RASEF: variants seen among roughly 807,000 people sequenced by gnomAD.
RASEF encodes ras and EF-hand domain-containing protein.
Under a neutral mutation model 90.1 loss-of-function variants are expected in RASEF, and 68 were observed. The ratio of observed to expected loss-of-function variants is 0.75; its 90% CI spans 0.62 to 0.92. The LOEUF (loss-of-function observed/expected upper bound fraction) is 0.92. Ranked by LOEUF, RASEF falls within the 40% of genes least tolerant of loss-of-function variation. The probability of loss-of-function intolerance (pLI) is 0.00; values close to 1 mark genes in which losing one functional copy is unlikely to be tolerated. For synonymous variants in RASEF, 331 were observed against 345.2 expected, an observed-to-expected ratio of 0.96 and a Z score of 0.46; for missense variants, 949 against 937.2, an observed-to-expected ratio of 1.01 and a Z score of -0.16.
At chr9:83,208,924 G>A in the RASEF span, among the ~76,000 whole-genome samples, 1 of 152,124 alleles carries the variant, frequency 6.6e-6, no homozygotes, top group African/African-American at 2.4e-5. Context: ...CAGAAGTTTG[G>A]GGACTTTTCA....
At chr9:83,121,356 G>A in the RASEF span, among the ~76,000 whole-genome samples, 1 of 151,908 alleles carries the variant, frequency 6.6e-6, no homozygotes, top group Admixed American at 6.6e-5. Context: ...CAATATGAAA[G>A]GTTTTAGGTA....
At chr9:82,991,617 T>A (rs1234451988) in intron 15 of RASEF, among the ~76,000 whole-genome samples, 3 of 152,126 alleles carry the variant, frequency 2.0e-5, no homozygotes, top group Non-Finnish European at 4.4e-5. Context: ...CACAAATCCA[T>A]AGAAAATCTG....
At chr9:83,156,073 C>A in the RASEF span, among the ~76,000 whole-genome samples, 3 of 152,132 alleles carry the variant, frequency 2.0e-5, no homozygotes, top group African/African-American at 4.8e-5. Flanking sequence ...AACTTATGGC[C>A]CATGCATCAT....
chr9:82,994,732 G>A (rs1055927050), intron 14 of RASEF, among the ~76,000 whole-genome samples: 3 of 152,110 alleles, frequency 2.0e-5, no homozygotes, highest in South Asian at 2.1e-4. Context: ...CCAAATATTC[G>A]ATCAATAAAA....
the RASEF span, among the ~76,000 whole-genome samples, chr9:83,076,117 G>A: frequency 8.0e-5 from 12 of 150,824 alleles, no homozygotes; most frequent in Admixed American, 5.9e-4. Context: ...GCAGTGAGCC[G>A]AGATGGCGCC....
chr9:83,090,888 CTTA>C, the RASEF span, among the ~76,000 whole-genome samples: 9 of 151,892 alleles, frequency 5.9e-5, no homozygotes, highest in African/African-American at 9.7e-5. Context: ...TTATTATGAT[CTTA>C]TTATTATTAT....
At chr9:83,126,871 C>T in the RASEF span, among the ~76,000 whole-genome samples, 987 of 152,156 alleles carry the variant, frequency 6.5e-3, 18 homozygotes, top group African/African-American at 0.023. Context: ...GTTACTAGGG[C>T]TATTATGGGC....
the RASEF span, among the ~76,000 whole-genome samples, chr9:83,169,896 T>C: frequency 6.6e-6 from 1 of 151,994 alleles, no homozygotes. Flanking sequence ...ACTTTGTTGA[T>C]TGTTTCCTTT....
the RASEF span, among the ~76,000 whole-genome samples, chr9:83,089,644 A>C: frequency 2.0e-5 from 3 of 152,030 alleles, no homozygotes; most frequent in Non-Finnish European, 4.4e-5. Flanking sequence ...ATCATTTGTT[A>C]ATCTTATTGA....
chr9:83,093,255 G>A, the RASEF span, among the ~76,000 whole-genome samples: 84 of 152,358 alleles, frequency 5.5e-4, no homozygotes, highest in African/African-American at 2.0e-3. Context: ...TCCCGCACCA[G>A]GCTGCAGGTG....
intron 12 of RASEF, among the ~76,000 whole-genome samples, chr9:82,999,261 G>C (rs1208685120): frequency 6.6e-6 from 1 of 152,148 alleles, no homozygotes; most frequent in Admixed American, 6.5e-5. Context: ...CTGTTGTGAA[G>C]GTGGGTAACG....
chr9:83,066,960 G>C (rs1287428582), upstream of RASEF, among the ~76,000 whole-genome samples: 1 of 152,160 alleles, frequency 6.6e-6, no homozygotes, highest in Non-Finnish European at 1.5e-5. Context: ...ACAGTGACTA[G>C]GGTGGTGAGT....
intron 1 of RASEF, among the ~76,000 whole-genome samples, chr9:83,044,220 G>C (rs1421399529): frequency 1.3e-5 from 2 of 152,186 alleles, no homozygotes; most frequent in African/African-American, 4.8e-5. Context: ...AAGGAGGGAA[G>C]GAAGGAGTGA....
At chr9:83,101,235 G>A in the RASEF span, among the ~76,000 whole-genome samples, 9 of 152,140 alleles carry the variant, frequency 5.9e-5, no homozygotes, top group Admixed American at 3.9e-4. Context: ...TCACCATTTT[G>A]AAGACAGCAA....
the RASEF span, among the ~76,000 whole-genome samples, chr9:83,213,668 C>T: frequency 6.6e-6 from 1 of 152,162 alleles, no homozygotes; most frequent in Admixed American, 6.5e-5. Context: ...GGTGAGAGAA[C>T]AGTCTCCTCT....
intron 5 of RASEF, among the ~76,000 whole-genome samples, chr9:83,011,562 A>AAAAC (rs1829245076): frequency 1.3e-5 from 2 of 150,110 alleles, no homozygotes; most frequent in South Asian, 4.2e-4. Context: ...AAAAAAAAAA[A>AAAAC]AAAAAAAAAA....
the RASEF span, among the ~76,000 whole-genome samples, chr9:83,091,820 A>G: frequency 1.3e-5 from 2 of 152,062 alleles, no homozygotes; most frequent in Non-Finnish European, 2.9e-5. Flanking sequence ...AACAATGGCA[A>G]TTCTTTGGGA....
the RASEF span, among the ~76,000 whole-genome samples, chr9:83,183,775 C>T: frequency 6.6e-6 from 1 of 152,312 alleles, no homozygotes; most frequent in South Asian, 2.1e-4. Context: ...TAAAACTGTT[C>T]GTCTCGTAAG....
the RASEF span, among the ~76,000 whole-genome samples, chr9:83,129,655 T>C: frequency 6.6e-6 from 1 of 152,156 alleles, no homozygotes; most frequent in Non-Finnish European, 1.5e-5. Flanking sequence ...AAAATAAGCA[T>C]TTATGGAGAA....
Sources: allele counts gnomAD v4.1 joint callset (sites outside exome capture counted in the v4.1 genomes callset), GRCh38; gene constraint gnomAD v4.1.1; transcripts MANE v1.5; gene names NCBI Gene and HGNC (gene_info 2026-07-23, HGNC 2026-07-21).